PRKG1: variants seen among roughly 807,000 people sequenced by gnomAD.
PRKG1 encodes protein kinase cGMP-dependent 1.
PRKG1 carries 35 observed loss-of-function variants against 88.1 expected under a neutral mutation model. The ratio of observed to expected loss-of-function variants is 0.40; its 90% confidence interval spans 0.30 to 0.53. PRKG1 has a LOEUF of 0.53. PRKG1 is among the 20% of genes least tolerant of loss of function. The probability of loss-of-function intolerance (pLI) is 0.59; values close to 1 mark genes in which losing one functional copy is unlikely to be tolerated. For synonymous variants in PRKG1, 303 were observed against 292.5 expected (o/e 1.04, Z -0.37); for missense variants, 540 against 839.8 (o/e 0.64, Z 4.41).
chr10:51,889,508 C>T (rs1841662973), intron 4 of PRKG1, among the ~76,000 whole-genome samples: 2 of 152,022 alleles, frequency 1.3e-5, no homozygotes, highest in South Asian at 4.1e-4. Context: ...TATAGTGCCA[C>T]AATAGACATA....
intron 5 of PRKG1, among the ~76,000 whole-genome samples, chr10:51,987,336 G>A (rs1844187309): frequency 6.6e-6 from 1 of 151,776 alleles, no homozygotes; most frequent in African/African-American, 2.4e-5. Context: ...GTTCAAGACA[G>A]AGAAAAAAAT....
intron 2 of PRKG1, among the ~76,000 whole-genome samples, chr10:51,186,989 T>G (rs1837509952): frequency 2.0e-5 from 3 of 146,970 alleles, no homozygotes; most frequent in Admixed American, 6.8e-5. Context: ...TATATGTATA[T>G]ATATATTCTC....
intron 7 of PRKG1, among the ~76,000 whole-genome samples, chr10:52,125,221 T>G (rs550127576): frequency 6.6e-6 from 1 of 152,306 alleles, no homozygotes; most frequent in East Asian, 1.9e-4. Flanking sequence ...TATTACTAGA[T>G]GAAAGGAGTC....
At chr10:51,926,609 T>C (rs1174978530) in intron 5 of PRKG1, among the ~76,000 whole-genome samples, 1 of 152,042 alleles carries the variant, frequency 6.6e-6, no homozygotes, top group African/African-American at 2.4e-5. Flanking sequence ...CCCTGGGTGC[T>C]ACTGCATTTT....
intron 8 of PRKG1, among the ~76,000 whole-genome samples, chr10:52,142,911 G>A (rs1837622164): frequency 6.6e-6 from 1 of 152,054 alleles, no homozygotes; most frequent in Non-Finnish European, 1.5e-5. Flanking sequence ...GTTCACTACT[G>A]TATCCACAAT....
chr10:51,767,999 T>C (rs2132539588), intron 3 of PRKG1, among the ~76,000 whole-genome samples: 1 of 151,476 alleles, frequency 6.6e-6, no homozygotes, highest in Non-Finnish European at 1.5e-5. Flanking sequence ...AAAGGCATTT[T>C]GCTGTTAATT....
At chr10:51,421,752 C>A (rs1415674670) in intron 2 of PRKG1, among the ~76,000 whole-genome samples, 2 of 152,050 alleles carry the variant, frequency 1.3e-5, no homozygotes. Context: ...TCACACAGGG[C>A]AAAGATACTG....
intron 2 of PRKG1, among the ~76,000 whole-genome samples, chr10:51,351,620 ATTTG>A (rs1369319098): frequency 1.3e-5 from 2 of 151,666 alleles, no homozygotes; most frequent in African/African-American, 2.4e-5. Context: ...TTATCTTGTA[ATTTG>A]TTTAAGTTCT....
chr10:51,660,930 T>C (rs1431970274), intron 3 of PRKG1, among the ~76,000 whole-genome samples: 2 of 152,242 alleles, frequency 1.3e-5, no homozygotes, highest in East Asian at 1.9e-4. Flanking sequence ...TAGTCCTCTA[T>C]TTTTATTTGG....
At chr10:51,943,525 T>G (rs1842956642) in intron 5 of PRKG1, among the ~76,000 whole-genome samples, 1 of 152,086 alleles carries the variant, frequency 6.6e-6, no homozygotes, top group African/African-American at 2.4e-5. Context: ...CATCCCTGTC[T>G]TATGCCAGTT....
intron 2 of PRKG1, among the ~76,000 whole-genome samples, chr10:51,186,567 T>G (rs1837492168): frequency 6.6e-6 from 1 of 151,790 alleles, no homozygotes; most frequent in South Asian, 2.1e-4. Context: ...GGAATCGGGG[T>G]GGGGAGTTGA....
At chr10:52,070,563 A>C (rs138657980) in intron 7 of PRKG1, among the ~76,000 whole-genome samples, 32 of 152,236 alleles carry the variant, frequency 2.1e-4, no homozygotes, top group African/African-American at 7.7e-4. Flanking sequence ...ATTTCTGCAT[A>C]TATTCTTTCC....
chr10:52,172,122 T>A (rs921330345), intron 9 of PRKG1, among the ~76,000 whole-genome samples: 11 of 152,332 alleles, frequency 7.2e-5, no homozygotes, highest in Admixed American at 7.2e-4. Context: ...TTTAAAACTC[T>A]CAAAGGCCAT....
intron 1 of PRKG1, among the ~76,000 whole-genome samples, chr10:51,045,330 TTTA>T (rs1270058329): frequency 6.6e-4 from 100 of 152,128 alleles, no homozygotes; most frequent in African/African-American, 2.3e-3. Context: ...TATTTATTTA[TTTA>T]TTTTTTGAGA....
intron 5 of PRKG1, among the ~76,000 whole-genome samples, chr10:52,034,515 G>C (rs1303660768): frequency 6.6e-6 from 1 of 151,924 alleles, no homozygotes; most frequent in African/African-American, 2.4e-5. Context: ...GAGAAAAACA[G>C]GTATAAAAGG....
intron 1 of PRKG1, among the ~76,000 whole-genome samples, chr10:51,113,712 T>C (rs2131900723): frequency 7.1e-6 from 1 of 140,262 alleles, no homozygotes; most frequent in Middle Eastern, 3.5e-3. Context: ...AGTAGGAATA[T>C]TTTGAGCATT....
chr10:51,772,020 G>A (rs904464925), intron 3 of PRKG1, among the ~76,000 whole-genome samples: 21 of 151,894 alleles, frequency 1.4e-4, no homozygotes, highest in African/African-American at 5.1e-4. Context: ...CTACTAGGAA[G>A]CCCTCATAAT....
intron 3 of PRKG1, among the ~76,000 whole-genome samples, chr10:51,647,460 C>A (rs1288305915): frequency 6.6e-6 from 1 of 152,202 alleles, no homozygotes; most frequent in Non-Finnish European, 1.5e-5. Context: ...TCCAAGGACA[C>A]TCCTGGCTAA....
At chr10:51,276,641 T>G (rs543586282) in intron 2 of PRKG1, among the ~76,000 whole-genome samples, 2 of 152,286 alleles carry the variant, frequency 1.3e-5, no homozygotes, top group South Asian at 2.1e-4. Flanking sequence ...TTCCTGACTT[T>G]TTAATGATTG....
Sources: gnomAD v4.1 joint callset for allele counts (sites outside exome capture counted in the v4.1 genomes callset) on GRCh38, gnomAD v4.1.1 for gene constraint, MANE v1.5 for transcripts, NCBI Gene and HGNC (gene_info 2026-07-23, HGNC 2026-07-21) for gene names.